PCDHAC2: variants seen among roughly 807,000 people sequenced by gnomAD.
The protein encoded by PCDHAC2 is protocadherin alpha-C2.
PCDHAC2 carries 24 observed loss-of-function variants against 63.3 expected under a neutral mutation model. The ratio of observed to expected loss-of-function variants is 0.38; its 90% confidence interval spans 0.27 to 0.53. The LOEUF (loss-of-function observed/expected upper bound fraction) is 0.53, where lower values mean the gene tolerates loss of function less well. PCDHAC2 is among the 20% of genes least tolerant of loss of function. The pLI is 0.81. For missense variants in PCDHAC2, 1,181 were observed against 1,275.2 expected (o/e 0.93, Z 1.12); for synonymous variants, 569 against 529.4 (o/e 1.07, Z -1.03).
chr5:140,983,218 C>T (rs757778991), intron 3 of PCDHAC2, among the ~76,000 whole-genome samples: 10 of 152,128 alleles, frequency 6.6e-5, no homozygotes, highest in Non-Finnish European at 1.5e-4. Flanking sequence ...ATTTCCTAAT[C>T]CAAACTTTCA....
chr5:140,978,704 G>A (rs1250477330), intron 1 of PCDHAC2, among the ~76,000 whole-genome samples: 1 of 152,242 alleles, frequency 6.6e-6, no homozygotes, highest in African/African-American at 2.4e-5. Flanking sequence ...GCCAAAGGTG[G>A]CCTTTACAAG....
chr5:140,980,901 T>C, intron 2 of PCDHAC2, among the ~76,000 whole-genome samples: 1 of 152,218 alleles, frequency 6.6e-6, no homozygotes, highest in East Asian at 1.9e-4. Context: ...TTGGACATCA[T>C]GTAACTATTC....
At position 141,010,354 on chromosome 5, in the gene PCDHAC2, C is replaced by A. The variant is rs1359778786; in HGVS notation, c.*417C>A. On this transcript the variant is annotated 3_prime_UTR_variant, in exon 4 of 4. Coordinates refer to ENST00000289269, the MANE Select transcript of PCDHAC2 (RefSeq NM_018899.6). ...GTTTGTGGCCACTGGGTATGTGTGG[C>A]TACCGCGGGTATGCGAGTGCCAGAT... The A allele has an allele frequency of 2.0e-6, 3 of 1,506,078 alleles. No homozygotes were observed. The highest frequency in any genetic ancestry group is 4.4e-5 in the Admixed American group (2 of 45,166). 93.3% of individuals were successfully genotyped at this position (1,506,078 alleles called of 1,614,324 possible).
At chr5:141,002,610 C>T (rs1191320958) in intron 3 of PCDHAC2, among the ~76,000 whole-genome samples, 1 of 152,200 alleles carries the variant, frequency 6.6e-6, no homozygotes, top group Non-Finnish European at 1.5e-5. Context: ...ATAAAACAGA[C>T]ACATAACACA....
rs1346870417 is a variant in PCDHAC2 at position 140,982,634 on chromosome 5, TC to T, written c.2713+72del. 11 of 1,555,302 alleles carry T rather than the reference TC, an allele frequency of 7.1e-6. No homozygotes were observed. In the Admixed American group the frequency reaches 2.2e-4, roughly 30 times the overall value. ...GATCAGATGACCTACTTTTGTAAGATCAGGAATGTTGATGGCTCTTTTTCTT... is the reference window on the plus strand; with the variant it reads ...GATCAGATGACCTACTTTTGTAAGATAGGAATGTTGATGGCTCTTTTTCTT... On this transcript the variant is annotated intron_variant, in intron 3 of 3. Transcript: ENST00000289269.
chr5:141,000,345 C>A (rs1395527046), intron 3 of PCDHAC2, among the ~76,000 whole-genome samples: 7 of 116,650 alleles, frequency 6.0e-5, no homozygotes, highest in African/African-American at 2.4e-4. Context: ...CCCTATCTCT[C>A]TCTCTGTCTC....
intron 3 of PCDHAC2, among the ~76,000 whole-genome samples, chr5:140,994,883 A>G (rs1197020328): frequency 2.6e-5 from 4 of 152,222 alleles, no homozygotes; most frequent in Non-Finnish European, 5.9e-5. Context: ...AAGAGATGTT[A>G]GGAAATGAGA....
Position 140,967,277 on chromosome 5 carries a change from A to G in PCDHAC2, c.511A>G (p.Ser171Gly). ...VAPGARFHIE[S>G]AQDPDVGANS... ...GCCTGGAGCGCGCTTTCACATAGAGAGTGCGCAGGACCCCGACGTGGGCGC... is the reference window on the plus strand; with the variant it reads ...GCCTGGAGCGCGCTTTCACATAGAGGGTGCGCAGGACCCCGACGTGGGCGC... Residue 171 changes from serine to glycine, a missense_variant, in exon 1 of 4, where the codon AGT (serine) becomes GGT (glycine). Around this residue, in one of 3 missense-constraint regions of PCDHAC2, gnomAD observed 968 missense variants for 1,073.5 expected, o/e 0.90. Transcript: ENST00000289269. 6.2e-7 allele frequency: 1 copy of G among 1,613,326 alleles called. No individual in the cohort carries two copies. The highest frequency in any genetic ancestry group is 1.3e-5 in the African/African-American group (1 of 75,052).
chr5:140,988,156 C>A (rs546335543), intron 3 of PCDHAC2, among the ~76,000 whole-genome samples: 1 of 152,054 alleles, frequency 6.6e-6, no homozygotes, highest in Non-Finnish European at 1.5e-5. Flanking sequence ...CAACTTCTGC[C>A]GTTGTCATAG....
chr5:141,007,348 C>T (rs1300636691), intron 3 of PCDHAC2, among the ~76,000 whole-genome samples: 3 of 142,438 alleles, frequency 2.1e-5, no homozygotes, highest in African/African-American at 5.3e-5. Context: ...CTCAGGAGTT[C>T]GAGACCAGCC....
chr5:141,003,308 A>C (rs2098118679), intron 3 of PCDHAC2, among the ~76,000 whole-genome samples: 1 of 152,200 alleles, frequency 6.6e-6, no homozygotes, highest in Non-Finnish European at 1.5e-5. Context: ...TGAAGTGGCC[A>C]GCTACTTCCA....
At chr5:140,991,440 C>T (rs2097452926) in intron 3 of PCDHAC2, among the ~76,000 whole-genome samples, 1 of 152,190 alleles carries the variant, frequency 6.6e-6, no homozygotes, top group Non-Finnish European at 1.5e-5. Context: ...AACTTCATGG[C>T]TTAAAACAAC....
In PCDHAC2 at chr5:141,005,071, G is replaced by A. The variant is rs115656219; in HGVS notation, c.2714-4556G>A. On this transcript the variant is annotated intron_variant, in intron 3 of 3. Coordinates refer to ENST00000289269, the MANE Select transcript of PCDHAC2 (RefSeq NM_018899.6). ...TACTGAATTCTTGCATTGTGCTAAG[G>A]ATCAAGCTTAGTACTTTACATGCAT... 5.2e-3 allele frequency among the ~76,000 whole-genome samples: 796 copies of A among 152,278 alleles called. 8 individuals are homozygous for A. The highest frequency in any genetic ancestry group is 0.018 in the African/African-American group (745 of 41,556).
At chr5:140,991,629 T>C (rs1466263798) in intron 3 of PCDHAC2, among the ~76,000 whole-genome samples, 5 of 152,208 alleles carry the variant, frequency 3.3e-5, no homozygotes, top group African/African-American at 1.2e-4. Context: ...ATATTTGTAA[T>C]AACAATCTGT....
intron 3 of PCDHAC2, among the ~76,000 whole-genome samples, chr5:141,000,648 G>A (rs559996046): frequency 8.9e-4 from 134 of 150,894 alleles, no homozygotes; most frequent in African/African-American, 2.6e-3. Flanking sequence ...GGCTGGTCTC[G>A]AACTCCTGAC....
In PCDHAC2 at chr5:140,968,172, T is replaced by C. The variant is rs2096226402; in HGVS notation, c.1406T>C (p.Phe469Ser). The C allele has an allele frequency of 6.2e-7, 1 of 1,614,110 alleles. No individual in the cohort carries two copies. The highest frequency in any genetic ancestry group is 8.5e-7 in the Non-Finnish European group (1 of 1,180,026). The change falls in exon 1 of 4, where the codon TTC becomes TCC. Residue 469 changes from phenylalanine to serine, a missense_variant. Phe to Ser is a radical substitution (Grantham distance 155). Coordinates refer to ENST00000289269, the MANE Select transcript of PCDHAC2 (RefSeq NM_018899.6). ...GACATCAATGACAATCCACCAAGCT[T>C]CCTGGAGGACTCCTATTCCATCTAC... ...ISDINDNPPS[F>S]LEDSYSIYIQ...
intron 1 of PCDHAC2, among the ~76,000 whole-genome samples, chr5:140,973,733 C>G (rs1273705154): frequency 6.6e-6 from 1 of 152,216 alleles, no homozygotes; most frequent in Non-Finnish European, 1.5e-5. Context: ...GGCATCTGGT[C>G]TAACTCAGAA....
rs920860677 is a variant in PCDHAC2, at chr5:140,985,387, C to T, written c.2713+2824C>T. Among the ~76,000 whole-genome samples the T allele has an allele frequency of 3.0e-4, 45 of 152,272 alleles. 1 individual carries two copies. Among genetic ancestry groups the T allele is most frequent in the African/African-American group, 9.9e-4 (41 of 41,542 alleles). On this transcript the variant is annotated intron_variant, in intron 3 of 3. Transcript: ENST00000289269. ...GTTATCTGGGTCTATATAATCCAGTCACCCCAACTGTTCCCCTGGAAATGG... is the reference window on the plus strand; with the variant it reads ...GTTATCTGGGTCTATATAATCCAGTTACCCCAACTGTTCCCCTGGAAATGG...
At chr5:141,008,347 G>A (rs551037675) in intron 3 of PCDHAC2, among the ~76,000 whole-genome samples, 7 of 152,244 alleles carry the variant, frequency 4.6e-5, no homozygotes, top group South Asian at 2.1e-4. Flanking sequence ...AGCTTTTCAC[G>A]TGTCAACCAA....
Sources: allele counts gnomAD v4.1 joint callset (sites outside exome capture counted in the v4.1 genomes callset), GRCh38; gene constraint gnomAD v4.1.1; regional missense constraint gnomAD v4.1.1; transcripts MANE v1.5; gene names NCBI Gene and HGNC (gene_info 2026-07-23, HGNC 2026-07-21).